FLRT2: variants seen among roughly 807,000 people sequenced by gnomAD.
The protein encoded by FLRT2 is fibronectin leucine rich transmembrane protein 2, also known as leucine-rich repeat transmembrane protein FLRT2.
In FLRT2, 15 loss-of-function variants were observed where a neutral mutation model predicts 40.0. That is an observed-to-expected ratio of 0.38 (90% CI 0.25 to 0.58). FLRT2 has a LOEUF of 0.58. FLRT2 is among the 20% of genes least tolerant of loss of function. FLRT2 has a pLI of 0.71. For missense variants in FLRT2, 726 were observed against 840.0 expected (o/e 0.86, Z 1.68); for synonymous variants, 380 against 336.8 (o/e 1.13, Z -1.41).
At chr14:85,534,955 A>G (rs1394662418) in intron 1 of FLRT2, among the ~76,000 whole-genome samples, 1 of 151,518 alleles carries the variant, frequency 6.6e-6, no homozygotes, top group African/African-American at 2.4e-5. Flanking sequence ...TTCTCCTGTG[A>G]ATGGGAATCA....
intron 1 of FLRT2, among the ~76,000 whole-genome samples, chr14:85,533,538 G>A (rs1888431926): frequency 6.6e-6 from 1 of 152,144 alleles, no homozygotes; most frequent in Admixed American, 6.5e-5. Context: ...CTCCGGCGCC[G>A]CGGGGCAGCT....
At chr14:85,561,423 G>C (rs1864075276) in intron 1 of FLRT2, 1 of 152,180 alleles carries the variant, frequency 6.6e-6, no homozygotes, top group Non-Finnish European at 1.5e-5. Context: ...TAAGGAATAA[G>C]CATGTGTATT....
chr14:85,566,774 G>GGA (rs1890643482), intron 1 of FLRT2, among the ~76,000 whole-genome samples: 1 of 143,410 alleles, frequency 7.0e-6, no homozygotes, highest in Admixed American at 7.0e-5. Context: ...TCTTCAGCAT[G>GGA]AAAAAAAAAA....
chr14:85,565,741 T>C (rs750484556), intron 1 of FLRT2, among the ~76,000 whole-genome samples: 2 of 152,162 alleles, frequency 1.3e-5, no homozygotes, highest in Non-Finnish European at 2.9e-5. Flanking sequence ...GAATCCTAGA[T>C]TGAAAGCTAA....
At chr14:85,589,850 C>A (rs1017333981) in intron 1 of FLRT2, among the ~76,000 whole-genome samples, 1 of 152,004 alleles carries the variant, frequency 6.6e-6, no homozygotes, top group African/African-American at 2.4e-5. Flanking sequence ...TTCCTGGTAC[C>A]ATTTATTGAA....
chr14:85,568,772 A>G (rs991154639), intron 1 of FLRT2, among the ~76,000 whole-genome samples: 5 of 151,876 alleles, frequency 3.3e-5, no homozygotes, highest in African/African-American at 1.2e-4. Context: ...TTCTTCTCTC[A>G]CCTACTTAAC....
chr14:85,599,721 T>G (rs1446468526), intron 1 of FLRT2, among the ~76,000 whole-genome samples: 1 of 152,208 alleles, frequency 6.6e-6, no homozygotes, highest in African/African-American at 2.4e-5. Flanking sequence ...CTTTCCTTCT[T>G]TCCTCCTTTT....
chr14:85,574,758 C>T (rs546760327), intron 1 of FLRT2, among the ~76,000 whole-genome samples: 1 of 152,282 alleles, frequency 6.6e-6, no homozygotes, highest in Non-Finnish European at 1.5e-5. Flanking sequence ...GCCACCTTCT[C>T]CTAAACTGCA....
rs1389907123 is a variant in FLRT2, at chr14:85,635,314, T to C, written c.*11817T>C. On this transcript the variant is annotated 3_prime_UTR_variant, in exon 2 of 2. Coordinates refer to ENST00000330753, the MANE Select transcript of FLRT2 (RefSeq NM_013231.6). ...CTTCACTTCAGTGGTTGGCATATAT[T>C]CAAACCCATTATGGCTGAAAAATTA... The C allele has an allele frequency of 6.6e-6, 1 of 152,116 alleles. No homozygotes were observed. Among genetic ancestry groups the C allele is most frequent in the Admixed American group, 6.6e-5 (1 of 15,254 alleles). 9.4% of individuals were successfully genotyped at this position (152,116 alleles called of 1,614,324 possible).
intron 1 of FLRT2, among the ~76,000 whole-genome samples, chr14:85,564,902 G>A (rs1890549303): frequency 1.3e-5 from 2 of 152,160 alleles, no homozygotes; most frequent in African/African-American, 2.4e-5. Flanking sequence ...ATCAAGTGAA[G>A]GAGATAAGAG....
rs2139385838 is a variant in FLRT2 at position 85,631,614 on chromosome 14, C to T, written c.*8117C>T. ...GTGCAAAATTAGCCTTGCTCAAAGA[C>T]CACAGTATGCGTTTTACAAGAACAA... On this transcript the variant is annotated 3_prime_UTR_variant, in exon 2 of 2. Transcript: ENST00000330753. The T allele has an allele frequency of 6.6e-6, 1 of 152,182 alleles. No individual in the cohort carries two copies. The highest frequency in any genetic ancestry group is 1.5e-5 in the Non-Finnish European group (1 of 68,004). 9.4% of individuals were successfully genotyped at this position (152,182 alleles called of 1,614,324 possible).
intron 1 of FLRT2, among the ~76,000 whole-genome samples, chr14:85,568,563 A>C (rs1238878188): frequency 6.6e-6 from 1 of 152,160 alleles, no homozygotes; most frequent in Non-Finnish European, 1.5e-5. Flanking sequence ...ACCAAATTGC[A>C]CAAGAGGTGG....
intron 1 of FLRT2, among the ~76,000 whole-genome samples, chr14:85,566,429 A>C (rs1349404461): frequency 6.6e-6 from 1 of 152,196 alleles, no homozygotes; most frequent in African/African-American, 2.4e-5. Flanking sequence ...GTTTTCTGAG[A>C]ATAAAATGAC....
chr14:85,530,619 A>ATT (rs5810256), intron 1 of FLRT2, 85 bp downstream of exon 1: 21 of 149,052 alleles, frequency 1.4e-4, no homozygotes, highest in African/African-American at 4.5e-4. Flanking sequence ...TCTTCGGGGG[A>ATT]TTTTTTTTTT....
intron 1 of FLRT2, among the ~76,000 whole-genome samples, chr14:85,544,044 T>G (rs994437425): frequency 2.6e-5 from 4 of 152,230 alleles, no homozygotes; most frequent in Non-Finnish European, 5.9e-5. Flanking sequence ...GGAATAGCAC[T>G]GACCAGACCT....
At chr14:85,583,630 T>C (rs980724430) in intron 1 of FLRT2, among the ~76,000 whole-genome samples, 1 of 152,186 alleles carries the variant, frequency 6.6e-6, no homozygotes, top group African/African-American at 2.4e-5. Flanking sequence ...TCAGAGCTCC[T>C]GGTCCGCTTA....
At chr14:85,598,980 C>G (rs1382719998) in intron 1 of FLRT2, among the ~76,000 whole-genome samples, 1 of 144,532 alleles carries the variant, frequency 6.9e-6, no homozygotes, top group East Asian at 2.1e-4. Flanking sequence ...TGCAGTGGCA[C>G]AGTCTTGGCT....
chr14:85,555,786 C>A (rs1889921525), intron 1 of FLRT2, among the ~76,000 whole-genome samples: 1 of 151,384 alleles, frequency 6.6e-6, no homozygotes. Flanking sequence ...AAACTCCTGG[C>A]CTCAAGTGAT....
At chr14:85,612,694 G>T (rs866218386) in intron 1 of FLRT2, among the ~76,000 whole-genome samples, 1 of 152,186 alleles carries the variant, frequency 6.6e-6, no homozygotes, top group Non-Finnish European at 1.5e-5. Flanking sequence ...CATGACAGGT[G>T]TTCTGAAGAT....
Sources: allele counts gnomAD v4.1 joint callset (sites outside exome capture counted in the v4.1 genomes callset), GRCh38; gene constraint gnomAD v4.1.1; transcripts MANE v1.5; gene names NCBI Gene and HGNC (gene_info 2026-07-23, HGNC 2026-07-21).